The following XNDC1N variants were observed in gnomAD, a reference collection of about 807,000 sequenced individuals.
The protein encoded by XNDC1N is XRCC1 N-terminal domain containing 1, N-terminal like, also known as protein XNDC1N.
chr11:71,922,902 A>G, the XNDC1N span, among the ~76,000 whole-genome samples: 1 of 152,176 alleles, frequency 6.6e-6, no homozygotes, highest in African/African-American at 2.4e-5. Flanking sequence ...GATATTGTAG[A>G]ACTTTTAGGA....
the XNDC1N span, chr11:71,884,378 G>A: frequency 1.3e-6 from 2 of 1,550,004 alleles, no homozygotes; most frequent in Non-Finnish European, 1.7e-6. Flanking sequence ...GTAATATTGT[G>A]TCATATAATT....
At chr11:71,891,521 C>A in the XNDC1N span, among the ~76,000 whole-genome samples, 1 of 151,972 alleles carries the variant, frequency 6.6e-6, no homozygotes, top group Admixed American at 6.5e-5. Context: ...ACACACCCTG[C>A]GACATTGGAT....
chr11:71,905,841 ATAT>A, the XNDC1N span, among the ~76,000 whole-genome samples: 2 of 152,074 alleles, frequency 1.3e-5, no homozygotes, highest in East Asian at 1.9e-4. Flanking sequence ...GATATTACAA[ATAT>A]TATCCCAGTG....
At chr11:71,917,009 G>A in the XNDC1N span, 8,367 of 177,132 alleles carry the variant, frequency 0.047, 264 homozygotes, top group African/African-American at 0.1. Flanking sequence ...ACATATTATT[G>A]TTATTATTAT....
chr11:71,884,478 G>A, the XNDC1N span: 2 of 1,610,330 alleles, frequency 1.2e-6, no homozygotes, highest in Middle Eastern at 2.3e-4. Context: ...CAATGCTGAT[G>A]AACATGCAAT....
chr11:71,873,736 AT>A, the XNDC1N span, among the ~76,000 whole-genome samples: 3 of 152,238 alleles, frequency 2.0e-5, no homozygotes, highest in African/African-American at 4.8e-5. Context: ...CAGGAAAAAA[AT>A]ATCGGAGAAA....
the XNDC1N span, among the ~76,000 whole-genome samples, chr11:71,902,597 C>G: frequency 6.6e-6 from 1 of 152,208 alleles, no homozygotes; most frequent in South Asian, 2.1e-4. Context: ...ATTACTCTCT[C>G]GAAGGAGAAA....
chr11:71,915,392 G>A, the XNDC1N span, among the ~76,000 whole-genome samples: 1 of 151,264 alleles, frequency 6.6e-6, no homozygotes, highest in South Asian at 2.1e-4. Context: ...AGCTTGCAGT[G>A]AGCCGAGATC....
At chr11:71,890,546 T>G in the XNDC1N span, among the ~76,000 whole-genome samples, 1 of 152,222 alleles carries the variant, frequency 6.6e-6, no homozygotes, top group African/African-American at 2.4e-5. Flanking sequence ...CACTTTGATA[T>G]TGGTATGAAT....
the XNDC1N span, among the ~76,000 whole-genome samples, chr11:71,920,237 C>T: frequency 2.0e-4 from 30 of 152,088 alleles, no homozygotes; most frequent in East Asian, 5.2e-3. Context: ...GGATTACAGG[C>T]GTGAGCCACC....
chr11:71,887,362 C>T, the XNDC1N span, among the ~76,000 whole-genome samples: 5 of 152,156 alleles, frequency 3.3e-5, no homozygotes, highest in Non-Finnish European at 7.4e-5. Flanking sequence ...AAGGGACTTG[C>T]TCAGCAAGCT....
At chr11:71,868,427 C>T in the XNDC1N span, among the ~76,000 whole-genome samples, 1 of 152,132 alleles carries the variant, frequency 6.6e-6, no homozygotes, top group Non-Finnish European at 1.5e-5. Context: ...TCTTTCTTTT[C>T]CATATTTAGC....
chr11:71,911,262 C>A, the XNDC1N span, among the ~76,000 whole-genome samples: 2 of 152,230 alleles, frequency 1.3e-5, no homozygotes, highest in East Asian at 1.9e-4. Context: ...CACCAAGTAC[C>A]AGACTTTGCT....
chr11:71,926,144 C>G, the XNDC1N span: 18 of 151,232 alleles, frequency 1.2e-4, no homozygotes, highest in African/African-American at 4.1e-4. Context: ...GTGGCGTGTG[C>G]CTGGAGTCCA....
chr11:71,911,831 C>T, the XNDC1N span, among the ~76,000 whole-genome samples: 5 of 152,164 alleles, frequency 3.3e-5, no homozygotes, highest in Non-Finnish European at 7.3e-5. Context: ...TTGGGGAATT[C>T]CCGCGCTGAC....
chr11:71,905,207 C>T, the XNDC1N span, among the ~76,000 whole-genome samples: 3 of 151,910 alleles, frequency 2.0e-5, no homozygotes, highest in Non-Finnish European at 4.4e-5. Context: ...TAGGATCTTA[C>T]GAATATTATC....
At chr11:71,905,994 G>A in the XNDC1N span, among the ~76,000 whole-genome samples, 2 of 151,670 alleles carry the variant, frequency 1.3e-5, no homozygotes, top group African/African-American at 4.9e-5. Context: ...AATATCACAC[G>A]GTGTACACCC....
chr11:71,892,140 G>A, the XNDC1N span, among the ~76,000 whole-genome samples: 1 of 152,090 alleles, frequency 6.6e-6, no homozygotes, highest in Non-Finnish European at 1.5e-5. Context: ...TACACCCACT[G>A]TGACATGAGG....
At chr11:71,923,444 C>T in the XNDC1N span, 1 of 671,280 alleles carries the variant, frequency 1.5e-6, no homozygotes, top group Non-Finnish European at 2.7e-6. Flanking sequence ...TATGTGTTAG[C>T]TTCCAGAAAA....
Sources: allele counts gnomAD v4.1 joint callset (sites outside exome capture counted in the v4.1 genomes callset), GRCh38; gene constraint gnomAD v4.1.1; transcripts MANE v1.5; gene names NCBI Gene and HGNC (gene_info 2026-07-23, HGNC 2026-07-21).